EEFSEC: variants seen among roughly 807,000 people sequenced by gnomAD.
The protein encoded by EEFSEC is eukaryotic elongation factor, selenocysteine-tRNA specific, also known as selenocysteine-specific elongation factor.
In EEFSEC, 43 loss-of-function variants were observed where a neutral mutation model predicts 42.1. The observed-to-expected ratio is 1.02, with a 90% CI of 0.80 to 1.32. The LOEUF (loss-of-function observed/expected upper bound fraction) is 1.32. EEFSEC is among the 40% of genes most tolerant of loss of function. The probability of loss-of-function intolerance (pLI) is 0.00; values close to 1 mark genes in which losing one functional copy is unlikely to be tolerated. For missense variants in EEFSEC, 745 were observed against 803.6 expected (o/e 0.93, Z 0.88); for synonymous variants, 354 against 339.1 (o/e 1.04, Z -0.48).
intron 6 of EEFSEC, among the ~76,000 whole-genome samples, chr3:128,406,875 T>TATATATACATATATATACAC (rs2068120935): frequency 6.6e-6 from 1 of 151,140 alleles, no homozygotes; most frequent in African/African-American, 2.4e-5. Context: ...TATATATACA[T>TATATATACATATATATACAC]ACATATATAT....
intron 1 of EEFSEC, among the ~76,000 whole-genome samples, chr3:128,232,060 C>T (rs959753280): frequency 6.6e-6 from 1 of 152,160 alleles, no homozygotes; most frequent in Non-Finnish European, 1.5e-5. Flanking sequence ...TCTGTTCCCA[C>T]CCCCACCCCC....
intron 4 of EEFSEC, among the ~76,000 whole-genome samples, chr3:128,318,671 A>C: frequency 6.6e-6 from 1 of 152,352 alleles, no homozygotes; most frequent in East Asian, 1.9e-4. Flanking sequence ...CCTTTGTAAC[A>C]AAGTCAGTGT....
intron 6 of EEFSEC, among the ~76,000 whole-genome samples, chr3:128,358,858 G>A (rs561933905): frequency 1.2e-4 from 18 of 152,288 alleles, no homozygotes; most frequent in African/African-American, 3.4e-4. Flanking sequence ...GGGCCTCTCC[G>A]TGGGCTGGGT....
intron 3 of EEFSEC, among the ~76,000 whole-genome samples, chr3:128,264,413 G>A (rs1487849662): frequency 1.3e-5 from 2 of 152,202 alleles, no homozygotes; most frequent in Non-Finnish European, 2.9e-5. Context: ...GGAAAGAGCT[G>A]AGAGCATGGC....
chr3:128,211,848 CTTTTTTTTTT>C (rs34885945), intron 1 of EEFSEC, among the ~76,000 whole-genome samples: 164 of 51,702 alleles, frequency 3.2e-3, no homozygotes, highest in Non-Finnish European at 4.3e-3. Context: ...TTTTTCTTTT[CTTTTTTTTTT>C]TTTTTTTTTT....
chr3:128,395,083 T>C (rs538638823), intron 6 of EEFSEC, among the ~76,000 whole-genome samples: 1 of 152,324 alleles, frequency 6.6e-6, no homozygotes, highest in African/African-American at 2.4e-5. Context: ...GCATGGGGCC[T>C]TATGTCCCTA....
chr3:128,316,416 C>G (rs1387268386), intron 4 of EEFSEC, among the ~76,000 whole-genome samples: 1 of 152,168 alleles, frequency 6.6e-6, no homozygotes, highest in Non-Finnish European at 1.5e-5. Context: ...CCATCTCATA[C>G]CGATGCCTAC....
At chr3:128,351,107 G>A (rs2067379753) in intron 5 of EEFSEC, among the ~76,000 whole-genome samples, 1 of 152,150 alleles carries the variant, frequency 6.6e-6, no homozygotes, top group African/African-American at 2.4e-5. Flanking sequence ...AGACTTTGCT[G>A]GTGGGGTGGG....
At chr3:128,235,784 C>A (rs2066002417) in intron 1 of EEFSEC, among the ~76,000 whole-genome samples, 1 of 152,226 alleles carries the variant, frequency 6.6e-6, no homozygotes, top group South Asian at 2.1e-4. Flanking sequence ...CTTCCAGACA[C>A]GTAGCAATGA....
intron 1 of EEFSEC, among the ~76,000 whole-genome samples, chr3:128,222,027 T>G (rs893597033): frequency 5.0e-5 from 6 of 120,200 alleles, no homozygotes; most frequent in Non-Finnish European, 9.9e-5. Flanking sequence ...TTTTCAAAGT[T>G]TTTTTTTTTT....
At chr3:128,267,704 G>A (rs1276546072) in intron 4 of EEFSEC, among the ~76,000 whole-genome samples, 1 of 152,192 alleles carries the variant, frequency 6.6e-6, no homozygotes, top group African/African-American at 2.4e-5. Context: ...GCATACCTTG[G>A]AGAGAAGGCC....
At chr3:128,213,316 G>A (rs2065778260) in intron 1 of EEFSEC, among the ~76,000 whole-genome samples, 1 of 152,238 alleles carries the variant, frequency 6.6e-6, no homozygotes, top group East Asian at 1.9e-4. Flanking sequence ...GCTGTGACGG[G>A]AAGAAAGTGC....
intron 6 of EEFSEC, among the ~76,000 whole-genome samples, chr3:128,379,778 G>T (rs1028481718): frequency 2.0e-5 from 3 of 152,230 alleles, no homozygotes; most frequent in Admixed American, 2.0e-4. Flanking sequence ...GTCTTCGTGG[G>T]GTCACAGAGC....
At chr3:128,391,493 G>A (rs763244869) in intron 6 of EEFSEC, among the ~76,000 whole-genome samples, 21 of 152,330 alleles carry the variant, frequency 1.4e-4, no homozygotes, top group South Asian at 1.0e-3. Flanking sequence ...ACATGGCCAC[G>A]ACTGTCGTGG....
chr3:128,321,617 G>A (rs1481235585), intron 4 of EEFSEC, among the ~76,000 whole-genome samples: 1 of 152,040 alleles, frequency 6.6e-6, no homozygotes. Context: ...CACTATGGGC[G>A]CCCGCCTGTC....
the EEFSEC span, among the ~76,000 whole-genome samples, chr3:128,422,306 G>A: frequency 1.3e-5 from 2 of 152,242 alleles, no homozygotes; most frequent in Non-Finnish European, 2.9e-5. Context: ...ATACGTTCAG[G>A]AGTGAATGGA....
intron 4 of EEFSEC, among the ~76,000 whole-genome samples, chr3:128,271,365 T>A (rs2066411079): frequency 6.6e-6 from 1 of 152,250 alleles, no homozygotes; most frequent in Admixed American, 6.5e-5. Flanking sequence ...TGCTGCCATG[T>A]GTTTTTATCT....
At chr3:128,351,201 T>C (rs1472186261) in intron 5 of EEFSEC, among the ~76,000 whole-genome samples, 3 of 152,186 alleles carry the variant, frequency 2.0e-5, no homozygotes, top group Non-Finnish European at 4.4e-5. Flanking sequence ...CTGGCTTCTC[T>C]TGGGCAGATT....
chr3:128,225,926 A>G (rs1170519964), intron 1 of EEFSEC, among the ~76,000 whole-genome samples: 1 of 152,234 alleles, frequency 6.6e-6, no homozygotes, highest in East Asian at 1.9e-4. Context: ...GCACAGAGGC[A>G]GATGTGTCTT....
Sources: gnomAD v4.1 joint callset for allele counts (sites outside exome capture counted in the v4.1 genomes callset) on GRCh38, gnomAD v4.1.1 for gene constraint, MANE v1.5 for transcripts, NCBI Gene and HGNC (gene_info 2026-07-23, HGNC 2026-07-21) for gene names.